Variants in TMPRSS15 observed in about 807,000 individuals in gnomAD.
TMPRSS15 encodes the protein transmembrane serine protease 15.
TMPRSS15 carries 128 observed loss-of-function variants against 125.3 expected under a neutral mutation model. The ratio of observed to expected loss-of-function variants is 1.02; its 90% CI spans 0.89 to 1.18. The LOEUF (loss-of-function observed/expected upper bound fraction) is 1.18, where lower values mean the gene tolerates loss of function less well. Among genes scored for constraint, TMPRSS15 ranks in the 50% most tolerant of loss-of-function variants. The probability of loss-of-function intolerance (pLI) is 0.00; values close to 1 mark genes in which losing one functional copy is unlikely to be tolerated. For synonymous variants in TMPRSS15, 446 were observed against 423.2 expected, an observed-to-expected ratio of 1.05 and a Z score of -0.66; for missense variants, 1,283 against 1,212.7, an observed-to-expected ratio of 1.06 and a Z score of -0.86.
At chr21:18,343,465 CA>C in intron 12 of TMPRSS15, 40 bp downstream of exon 12, 4 of 1,519,904 alleles carry the variant, frequency 2.6e-6, no homozygotes, top group South Asian at 2.3e-5. Flanking sequence ...TGTTCCACCA[CA>C]AAAAGGATAC....
intron 4 of TMPRSS15, among the ~76,000 whole-genome samples, chr21:18,382,585 C>T (rs946425673): frequency 1.3e-5 from 2 of 152,066 alleles, no homozygotes; most frequent in African/African-American, 4.8e-5. Context: ...GCAAACATAC[C>T]GATTGATCTC....
At chr21:18,355,684 A>G (rs542525689) in intron 8 of TMPRSS15, among the ~76,000 whole-genome samples, 1 of 151,866 alleles carries the variant, frequency 6.6e-6, no homozygotes, top group East Asian at 1.9e-4. Flanking sequence ...TAGTGTTACA[A>G]CTTTTTCCCA....
intron 3 of TMPRSS15, among the ~76,000 whole-genome samples, chr21:18,392,193 T>C (rs2075996733): frequency 6.6e-6 from 1 of 152,228 alleles, no homozygotes; most frequent in Non-Finnish European, 1.5e-5. Context: ...TTATGCAAAT[T>C]TCTGTAGCTG....
At chr21:18,478,122 A>T (rs559042584) in intron 1 of TMPRSS15, among the ~76,000 whole-genome samples, 2 of 152,194 alleles carry the variant, frequency 1.3e-5, no homozygotes, top group South Asian at 2.1e-4. Flanking sequence ...AAGGCAAATG[A>T]TGTTTTTTTC....
intron 23 of TMPRSS15, 88 bp from the exon 24 acceptor site, chr21:18,275,424 C>T: frequency 6.8e-7 from 1 of 1,476,754 alleles, no homozygotes. Context: ...TTTATTCCAA[C>T]ATTTCACTCT....
chr21:18,436,779 T>G (rs1178603374), intron 1 of TMPRSS15, among the ~76,000 whole-genome samples: 45 of 129,642 alleles, frequency 3.5e-4, no homozygotes, highest in African/African-American at 1.1e-3. Context: ...CACTGCTCAA[T>G]GAAATAAAAG....
At chr21:18,324,415 G>C (rs1427797659) in intron 16 of TMPRSS15, among the ~76,000 whole-genome samples, 2 of 152,090 alleles carry the variant, frequency 1.3e-5, no homozygotes, top group Non-Finnish European at 2.9e-5. Context: ...CAGAAAACTA[G>C]GTGGTTCACA....
At chr21:18,392,660 C>A (rs1369370569) in intron 3 of TMPRSS15, among the ~76,000 whole-genome samples, 1 of 152,098 alleles carries the variant, frequency 6.6e-6, no homozygotes, top group African/African-American at 2.4e-5. Flanking sequence ...TTCCTGGTGC[C>A]AATTAGTCTT....
chr21:18,345,357 A>G (rs112896188), intron 10 of TMPRSS15, among the ~76,000 whole-genome samples: 2 of 152,248 alleles, frequency 1.3e-5, no homozygotes, highest in African/African-American at 4.8e-5. Flanking sequence ...GAGGTCCCAG[A>G]ATCTACTCTT....
rs2074879355 is a variant in TMPRSS15, at chr21:18,294,577, T to A, written c.2311+26A>T. 4 of 1,607,732 alleles carry A rather than the reference T, an allele frequency of 2.5e-6. No individual in the cohort carries two copies. The East Asian group carries it at 8.9e-5, about 36-fold the overall frequency. On this transcript the variant is annotated intron_variant, in intron 20 of 24. Transcript: ENST00000284885. ...AGAATTTTAAACAGAATGCTTGAAG[T>A]GGGATATGACAACATATTTACTTAC...
chr21:18,437,167 G>T (rs1334345181), intron 1 of TMPRSS15, among the ~76,000 whole-genome samples: 1 of 149,880 alleles, frequency 6.7e-6, no homozygotes, highest in Non-Finnish European at 1.5e-5. Flanking sequence ...CAGAGATAAC[G>T]CCGCATATCT....
chr21:18,328,987 C>A (rs1041406), intron 15 of TMPRSS15, among the ~76,000 whole-genome samples, 182 bp downstream of exon 15: 63,960 of 151,954 alleles, frequency 0.42, 13,562 homozygotes, highest in African/African-American at 0.45. Context: ...GAAAAATATT[C>A]CGTTGTCACT....
At chr21:18,384,434 A>T (rs563613072) in intron 3 of TMPRSS15, among the ~76,000 whole-genome samples, 1 of 152,298 alleles carries the variant, frequency 6.6e-6, no homozygotes, top group African/African-American at 2.4e-5. Flanking sequence ...TGATCTCCAA[A>T]CATAGCATTA....
At chr21:18,383,356 TCC>T (rs2075911271) in intron 4 of TMPRSS15, among the ~76,000 whole-genome samples, 2 of 149,634 alleles carry the variant, frequency 1.3e-5, no homozygotes, top group Admixed American at 6.7e-5. Context: ...TCTCAGAATC[TCC>T]TTGGAATGCA....
chr21:18,376,513 C>CT (rs1204995106), intron 5 of TMPRSS15, among the ~76,000 whole-genome samples: 4 of 152,100 alleles, frequency 2.6e-5, no homozygotes, highest in Non-Finnish European at 5.9e-5. Context: ...ACCAGTTATT[C>CT]TTTTCCTCCA....
intron 1 of TMPRSS15, among the ~76,000 whole-genome samples, chr21:18,464,926 C>T (rs1179460336): frequency 2.0e-5 from 3 of 152,162 alleles, no homozygotes; most frequent in Non-Finnish European, 4.4e-5. Context: ...CAGCATCATC[C>T]TTTTACCAAA....
At chr21:18,431,786 T>A (rs1198079355) in intron 1 of TMPRSS15, among the ~76,000 whole-genome samples, 1 of 152,130 alleles carries the variant, frequency 6.6e-6, no homozygotes, top group Admixed American at 6.6e-5. Flanking sequence ...ATCTATGCGA[T>A]CAAAAATGCC....
At chr21:18,478,354 C>T (rs1225815589) in intron 1 of TMPRSS15, among the ~76,000 whole-genome samples, 2 of 151,936 alleles carry the variant, frequency 1.3e-5, no homozygotes, top group African/African-American at 4.8e-5. Flanking sequence ...CTATTCTAGC[C>T]TCTAGGATAT....
chr21:18,365,458 TTC>T (rs980039684), intron 6 of TMPRSS15, among the ~76,000 whole-genome samples: 1 of 151,788 alleles, frequency 6.6e-6, no homozygotes, highest in African/African-American at 2.4e-5. Flanking sequence ...AATTCTTTCT[TTC>T]TCTCTCTCTC....
Sources: gnomAD v4.1 joint callset for allele counts (sites outside exome capture counted in the v4.1 genomes callset) on GRCh38, gnomAD v4.1.1 for gene constraint, MANE v1.5 for transcripts, NCBI Gene and HGNC (gene_info 2026-07-23, HGNC 2026-07-21) for gene names.